The following ARHGEF33 variants were observed in gnomAD, a reference collection of about 807,000 sequenced individuals.
The protein encoded by ARHGEF33 is Rho guanine nucleotide exchange factor 33.
In ARHGEF33, 72 loss-of-function variants were observed where a neutral mutation model predicts 101.9. The ratio of observed to expected loss-of-function variants is 0.71; its 90% CI spans 0.58 to 0.86. The LOEUF (loss-of-function observed/expected upper bound fraction) is 0.86. ARHGEF33 is among the 40% of genes least tolerant of loss of function. The pLI, the probability that ARHGEF33 is intolerant of heterozygous loss-of-function variation, is 0.00. For synonymous variants in ARHGEF33, 499 were observed against 442.5 expected, an observed-to-expected ratio of 1.13 and a Z score of -1.60; for missense variants, 1,169 against 1,111.3, an observed-to-expected ratio of 1.05 and a Z score of -0.74.
At chr2:38,929,656 A>G (rs1666949559) in intron 5 of ARHGEF33, 53 bp from the exon 6 acceptor site, 1 of 1,466,580 alleles carries the variant, frequency 6.8e-7, no homozygotes, top group Non-Finnish European at 9.3e-7. Flanking sequence ...AGATTATGTT[A>G]TATACTTTTA....
chr2:38,961,959 A>T (rs1368709307), intron 16 of ARHGEF33, among the ~76,000 whole-genome samples: 3 of 152,164 alleles, frequency 2.0e-5, no homozygotes, highest in Admixed American at 1.3e-4. Context: ...GGTGGAAATT[A>T]GGCCAGAGGA....
rs10715218 is a variant in ARHGEF33, at chr2:38,932,442, A to AT, written c.505+1201dup. On this transcript the variant is annotated intron_variant, in intron 7 of 17. Transcript: ENST00000409978. Reference sequence around the variant, plus strand: ...GTGCCCGGCTTGCCTTTTTATTTTTATTTTTTTTTTACCTATTTGCGTAAT... The same window carrying AT: ...GTGCCCGGCTTGCCTTTTTATTTTTATTTTTTTTTTTACCTATTTGCGTAAT... Among the ~76,000 whole-genome samples, 88 of 150,484 alleles carry AT rather than the reference A, an allele frequency of 5.8e-4. 1 individual carries two copies. Among genetic ancestry groups the AT allele is most frequent in the Middle Eastern group, 3.4e-3 (1 of 290 alleles).
At chr2:38,901,173 T>A (rs1414066771) in intron 2 of ARHGEF33, among the ~76,000 whole-genome samples, 1 of 152,210 alleles carries the variant, frequency 6.6e-6, no homozygotes, top group Non-Finnish European at 1.5e-5. Flanking sequence ...CTTATCTTAC[T>A]TTTTGTGATC....
intron 15 of ARHGEF33, among the ~76,000 whole-genome samples, chr2:38,958,880 A>T (rs1304395803): frequency 3.3e-5 from 5 of 151,838 alleles, no homozygotes; most frequent in African/African-American, 1.2e-4. Flanking sequence ...GGGTTTTACC[A>T]TGTTGGCCAG....
At chr2:38,908,061 C>T (rs547198267) in intron 2 of ARHGEF33, among the ~76,000 whole-genome samples, 1 of 151,958 alleles carries the variant, frequency 6.6e-6, no homozygotes, top group Non-Finnish European at 1.5e-5. Context: ...GATAGGGTCT[C>T]ACTATGTTGC....
intron 7 of ARHGEF33, 84 bp from the exon 8 acceptor site, chr2:38,935,691 C>G (rs113718702): frequency 0.053 from 57,435 of 1,074,392 alleles, 1,785 homozygotes; most frequent in Middle Eastern, 0.078. Context: ...ATCTCTGAGT[C>G]TGCCCCCAGT....
At chr2:38,952,474 C>G (rs1266002639) in intron 11 of ARHGEF33, among the ~76,000 whole-genome samples, 2 of 152,114 alleles carry the variant, frequency 1.3e-5, no homozygotes, top group African/African-American at 4.8e-5. Flanking sequence ...GTGGGATGGG[C>G]AGAGTCCCTC....
intron 2 of ARHGEF33, among the ~76,000 whole-genome samples, chr2:38,910,424 T>A (rs975291776): frequency 2.0e-5 from 3 of 152,152 alleles, no homozygotes; most frequent in African/African-American, 7.2e-5. Flanking sequence ...ACAAAAGAAA[T>A]TAGCTGGGTG....
intron 2 of ARHGEF33, among the ~76,000 whole-genome samples, chr2:38,915,833 T>A (rs1666622090): frequency 6.6e-6 from 1 of 152,012 alleles, no homozygotes; most frequent in South Asian, 2.1e-4. Flanking sequence ...TCAAGAACAG[T>A]CTGGGCAATA....
intron 6 of ARHGEF33, among the ~76,000 whole-genome samples, chr2:38,930,306 T>G (rs941413478): frequency 1.3e-5 from 2 of 152,082 alleles, no homozygotes; most frequent in African/African-American, 4.8e-5. Flanking sequence ...ACATATATAA[T>G]CTTTATTGCT....
chr2:38,919,599 T>C lies in ARHGEF33; in HGVS notation c.25+127T>C, dbSNP rs73930376. On this transcript the variant is annotated intron_variant, in intron 3 of 17. Transcript: ENST00000409978. ...TTTTCATTTCCCTATCATCATATAA[T>C]GACTATGAAGAATATAGACTGGGTG... The C allele has an allele frequency of 4.2e-3, 4,245 of 1,008,728 alleles. 146 individuals carry two copies. The African/African-American group carries it at 0.061, about 14-fold the overall frequency. The allele number at this position is 1,008,728 out of a possible 1,614,324, so 62.5% of individuals were successfully genotyped here.
chr2:38,941,795 C>T (rs1200602766), intron 9 of ARHGEF33, among the ~76,000 whole-genome samples: 5 of 151,998 alleles, frequency 3.3e-5, no homozygotes, highest in African/African-American at 1.2e-4. Context: ...TCCGCCCACC[C>T]CGGCCTCCCA....
intron 6 of ARHGEF33, among the ~76,000 whole-genome samples, chr2:38,930,507 A>G (rs1370092057): frequency 6.6e-6 from 1 of 151,718 alleles, no homozygotes; most frequent in East Asian, 1.9e-4. Flanking sequence ...CCATCACGCT[A>G]GCTAATTTAA....
chr2:38,937,388 G>T lies in ARHGEF33; in HGVS notation c.619G>T (p.Ala207Ser), dbSNP rs977841820. Residue 207 changes from alanine to serine, a missense_variant, in exon 9 of 18, where the codon GCT becomes TCT. Transcript: ENST00000409978. The stretch of plus-strand genomic sequence containing the variant: ...AGAAAACCTCAAGTCTTGCCTCTCG[G>T]CTGATATCCAGTCCAAGGGCCATCT... The part of the protein sequence containing the change: ...AEENLKSCLS[A>S]DIQSKGHLPS... The T allele has an allele frequency of 6.5e-7, 1 of 1,540,366 alleles. No individual in the cohort carries two copies. Among genetic ancestry groups the T allele is most frequent in the East Asian group, 2.5e-5 (1 of 40,536 alleles).
chr2:38,950,195 GC>G (rs1667563887), intron 10 of ARHGEF33, among the ~76,000 whole-genome samples: 1 of 152,126 alleles, frequency 6.6e-6, no homozygotes, highest in Non-Finnish European at 1.5e-5. Flanking sequence ...AACTCCCTGA[GC>G]TTTTTAGTTG....
intron 10 of ARHGEF33, among the ~76,000 whole-genome samples, chr2:38,947,828 T>A (rs1667490488): frequency 6.6e-6 from 1 of 152,044 alleles, no homozygotes; most frequent in African/African-American, 2.4e-5. Flanking sequence ...GTGCTACAGA[T>A]CACCACCAGG....
chr2:38,934,063 T>C (rs139546369), intron 7 of ARHGEF33, among the ~76,000 whole-genome samples: 215 of 152,348 alleles, frequency 1.4e-3, no homozygotes, highest in African/African-American at 4.7e-3. Flanking sequence ...AATTGAAAAC[T>C]AATTTTTTTG....
intron 7 of ARHGEF33, among the ~76,000 whole-genome samples, chr2:38,934,963 G>C (rs976128105): frequency 6.6e-6 from 1 of 151,214 alleles, no homozygotes; most frequent in African/African-American, 2.4e-5. Context: ...GGTCCCGTGA[G>C]AATATGACTG....
chr2:38,896,672 T>C (rs763549835), intron 2 of ARHGEF33, among the ~76,000 whole-genome samples: 4 of 152,140 alleles, frequency 2.6e-5, no homozygotes, highest in Non-Finnish European at 4.4e-5. Context: ...ACAGCTGGGA[T>C]TGGAAGCTAG....
Sources: gnomAD v4.1 joint callset for allele counts (sites outside exome capture counted in the v4.1 genomes callset) on GRCh38, gnomAD v4.1.1 for gene constraint, MANE v1.5 for transcripts, NCBI Gene and HGNC (gene_info 2026-07-23, HGNC 2026-07-21) for gene names.